The following HARS1 variants were observed in gnomAD, a reference collection of about 807,000 sequenced individuals.
HARS1 encodes histidine--tRNA ligase, cytoplasmic.
HARS1 carries 45 observed loss-of-function variants against 63.6 expected under a neutral mutation model. The observed-to-expected ratio is 0.71, with a 90% CI of 0.56 to 0.91. The LOEUF (loss-of-function observed/expected upper bound fraction) is 0.91, where lower values mean the gene tolerates loss of function less well. Among genes scored for constraint, HARS1 ranks in the 40% least tolerant of loss-of-function variants. HARS1 has a pLI of 0.00. For missense variants in HARS1, 508 were observed against 643.2 expected (o/e 0.79, Z 2.27); for synonymous variants, 205 against 247.1 (o/e 0.83, Z 1.60).
chr5:140,687,029 T>C (rs1331412509), intron 2 of HARS1, among the ~76,000 whole-genome samples: 1 of 152,214 alleles, frequency 6.6e-6, no homozygotes, highest in African/African-American at 2.4e-5. Context: ...ATATTTAAGT[T>C]TGAAAAACCA....
In HARS1 at chr5:140,677,382, C is replaced by G; in HGVS notation, c.768G>C (p.Glu256Asp). Residue 256 changes from glutamate to aspartate, a missense_variant, in exon 8 of 13, where the codon GAG becomes GAC. Glu to Asp is a conservative substitution (Grantham distance 45). Coordinates refer to ENST00000504156, the MANE Select transcript of HARS1 (RefSeq NM_002109.6). ...CAGCCACCTCAGGTGCAAGGCCCTT[C>G]TCTCCCACCATCTCATTCTTCACCT... ...WEEVKNEMVG[E>D]KGLAPEVADR... 1 of 1,613,944 alleles carries G rather than the reference C, an allele frequency of 6.2e-7. No homozygotes were observed. Among genetic ancestry groups the G allele is most frequent in the Non-Finnish European group, 8.5e-7 (1 of 1,179,860 alleles).
Position 140,677,959 on chromosome 5 carries a change from C to A in HARS1, c.579G>T (p.Lys193Asn). The change falls in exon 6 of 13, where the codon AAG becomes AAT. Residue 193 changes from lysine to asparagine, a missense_variant. Physicochemically the swap from Lys to Asn is moderately conservative, Grantham distance 94 (BLOSUM62 0). Coordinates refer to ENST00000504156, the MANE Select transcript of HARS1 (RefSeq NM_002109.6). ...GTGAACTCAGGATCTCGCACATGATCTTCAGGCACTCTGCATCAGGGATCA... is the reference window on the plus strand; with the variant it reads ...GTGAACTCAGGATCTCGCACATGATATTCAGGCACTCTGCATCAGGGATCA... Reference protein sequence around the residue: ...DPMIPDAECLKIMCEILSSLQ... With the variant: ...DPMIPDAECLNIMCEILSSLQ... The A allele has an allele frequency of 1.2e-6, 2 of 1,612,586 alleles. No homozygotes were observed. Among genetic ancestry groups the A allele is most frequent in the Non-Finnish European group, 1.7e-6 (2 of 1,178,828 alleles).
intron 2 of HARS1, chr5:140,684,268 A>T (rs1030968148): frequency 6.7e-6 from 5 of 743,490 alleles, no homozygotes; most frequent in Non-Finnish European, 8.2e-6. Flanking sequence ...CCAGCCTGGG[A>T]GACAGAGCAA....
intron 2 of HARS1, 34 bp downstream of exon 2, chr5:140,690,821 C>T (rs773784936): frequency 8.3e-7 from 1 of 1,203,922 alleles, no homozygotes; most frequent in Non-Finnish European, 1.2e-6. Flanking sequence ...GAGTTAGAGA[C>T]TTTCTCAGTG....
At position 140,677,422 on chromosome 5, in the gene HARS1, T is replaced by G; in HGVS notation, c.730-2A>C. 6.2e-7 allele frequency: 1 copy of G among 1,609,642 alleles called. No homozygotes were observed. The highest frequency in any genetic ancestry group is 1.1e-5 in the South Asian group (1 of 90,974). On this transcript the variant is annotated splice_acceptor_variant, in intron 7 of 12. Coordinates refer to ENST00000504156, the MANE Select transcript of HARS1 (RefSeq NM_002109.6). LOFTEE classifies it high-confidence loss of function. ...ATTCTTCACCTCTTCCCAGGACACC[T>G]AGGCAGACAGACACCAGTCAGGGAC...
chr5:140,679,712 C>G lies in HARS1; in HGVS notation c.396+76G>C. On this transcript the variant is annotated intron_variant, in intron 4 of 12. Transcript: ENST00000504156. The surrounding 1 kb of genome is among the most constrained non-coding windows in gnomAD (Gnocchi z 4.3). ...AAGGCCTCATATTTGATCCTACCTA[C>G]TCTACCATTCTTAAACCTGAGCCAA... 1.4e-6 allele frequency: 1 copy of G among 724,516 alleles called. No individual in the cohort carries two copies. Among genetic ancestry groups the G allele is most frequent in the Non-Finnish European group, 2.4e-6 (1 of 410,968 alleles). The allele number at this position is 724,516 out of a possible 1,614,324, so 44.9% of individuals were successfully genotyped here.
chr5:140,688,503 C>A (rs143011702), intron 2 of HARS1, among the ~76,000 whole-genome samples: 1 of 152,170 alleles, frequency 6.6e-6, no homozygotes, highest in African/African-American at 2.4e-5. Flanking sequence ...AAGACTCTAT[C>A]TTTATTATAA....
chr5:140,680,677 C>T (rs1404245006), intron 3 of HARS1, among the ~76,000 whole-genome samples: 3 of 151,932 alleles, frequency 2.0e-5, no homozygotes, highest in Admixed American at 6.5e-5. Flanking sequence ...AACCCTGTCT[C>T]TACTAAAAAT....
rs768353479 is a variant in HARS1, at chr5:140,691,210, C to A, written c.90+5G>T. On this transcript the variant is annotated splice_donor_5th_base_variant and intron_variant, in intron 1 of 12. Coordinates refer to ENST00000504156, the MANE Select transcript of HARS1 (RefSeq NM_002109.6). ...TGGCCCTCTCCCCTGCTGCCTAAAT[C>A]TCACCAGCTCGGCGCTGGCCTTCTG... 6.3e-7 allele frequency: 1 copy of A among 1,595,478 alleles called. No homozygotes were observed. Among genetic ancestry groups the A allele is most frequent in the South Asian group, 1.1e-5 (1 of 89,984 alleles).
chr5:140,691,223 C>T lies in HARS1; in HGVS notation c.82G>A (p.Ala28Thr). The T allele has an allele frequency of 1.2e-6, 2 of 1,602,744 alleles. No individual in the cohort carries two copies. Among genetic ancestry groups the T allele is most frequent in the Middle Eastern group, 1.7e-4 (1 of 6,042 alleles). The change falls in exon 1 of 13, where the codon GCC (alanine) becomes ACC (threonine). Residue 28 changes from alanine to threonine, a missense_variant. Physicochemically the swap from Ala to Thr is moderately conservative, Grantham distance 58. Transcript: ENST00000504156. ...TGCTGCCTAAATCTCACCAGCTCGG[C>T]GCTGGCCTTCTGCTGCTTGAGGCCT... ...VRGLKQQKAS[A>T]ELIEEEVAKL... is the part of the protein sequence containing the mutation.
chr5:140,678,985 G>GA lies in HARS1; in HGVS notation c.522+16_522+17insT. ...CCCCAAGTAACTCATCCTGCCCCAC[G>GA]GTTTCCCAACACTCACACACTGGTA... is the stretch of plus-strand genomic sequence containing the variant. On this transcript the variant is annotated intron_variant, in intron 5 of 12. Coordinates refer to ENST00000504156, the MANE Select transcript of HARS1 (RefSeq NM_002109.6). 6.2e-7 allele frequency: 1 copy of GA among 1,612,788 alleles called. No individual in the cohort carries two copies. Among genetic ancestry groups the GA allele is most frequent in the Non-Finnish European group, 8.5e-7 (1 of 1,179,356 alleles).
chr5:140,689,765 T>C (rs1330264247), intron 2 of HARS1, among the ~76,000 whole-genome samples: 1 of 152,216 alleles, frequency 6.6e-6, no homozygotes, highest in African/African-American at 2.4e-5. Context: ...TTAAAGTTGG[T>C]GTAATAACAA....
At position 140,685,153 on chromosome 5, in the gene HARS1, T is replaced by G. The variant is rs568836539; in HGVS notation, c.181-1934A>C. On this transcript the variant is annotated intron_variant, in intron 2 of 12. Coordinates refer to ENST00000504156, the MANE Select transcript of HARS1 (RefSeq NM_002109.6). ...GTTGTTTCTTAAAGATTGGTTGCAA[T>G]GTGGAATTTGAAAGCTAGATCAATG... The G allele has an allele frequency of 2.7e-5, 4 of 149,594 alleles. No homozygotes were observed. The East Asian group carries it at 7.8e-4, about 29-fold the overall frequency. The allele number at this position is 149,594 out of a possible 1,614,324, so 9.3% of individuals were successfully genotyped here.
At chr5:140,675,159 G>A (rs748814739) in intron 10 of HARS1, 26 bp from the exon 11 acceptor site, 3 of 1,427,516 alleles carry the variant, frequency 2.1e-6, no homozygotes, top group Non-Finnish European at 3.0e-6. Flanking sequence ...ATAAAAGAGA[G>A]CTGGGCTAAC....
intron 2 of HARS1, 129 bp from the exon 3 acceptor site, chr5:140,683,348 G>T: frequency 2.0e-6 from 2 of 1,005,714 alleles, no homozygotes; most frequent in Non-Finnish European, 2.8e-6. Context: ...TTTTCCTACA[G>T]GCCACTGAGT....
intron 2 of HARS1, chr5:140,684,664 A>G (rs914288490): frequency 3.3e-5 from 5 of 152,450 alleles, no homozygotes; most frequent in African/African-American, 1.2e-4. Context: ...ACCCTACTCC[A>G]AAGTCTTTGG....
At chr5:140,677,144 T>C (rs1408006904) in intron 8 of HARS1, 28 bp from the exon 9 acceptor site, 1 of 1,612,546 alleles carries the variant, frequency 6.2e-7, no homozygotes, top group East Asian at 2.2e-5. Context: ...TGAGTGAGGC[T>C]GACAAGGAAA....
At chr5:140,683,069 A>G (rs1562018030) in intron 3 of HARS1, 31 bp downstream of exon 3, 1 of 1,606,364 alleles carries the variant, frequency 6.2e-7, no homozygotes, top group Non-Finnish European at 8.5e-7. Context: ...CCACTCATCT[A>G]CCATGTAGTT....
chr5:140,678,701 G>A (rs1479487898), intron 5 of HARS1: 5 of 214,844 alleles, frequency 2.3e-5, no homozygotes, highest in Non-Finnish European at 3.7e-5. Context: ...AAAATTAGCC[G>A]GGCATAGTGG....
Sources: gnomAD v4.1 joint callset for allele counts (sites outside exome capture counted in the v4.1 genomes callset) on GRCh38, gnomAD v4.1.1 for gene constraint, Gnocchi (gnomAD v3.1) non-coding constraint, MANE v1.5 for transcripts, NCBI Gene and HGNC (gene_info 2026-07-23, HGNC 2026-07-21) for gene names.